Variants in COL12A1 observed in about 807,000 individuals in gnomAD.
The protein encoded by COL12A1 is collagen type XII alpha 1 chain, also known as collagen alpha-1(XII) chain.
COL12A1 carries 114 observed loss-of-function variants against 349.7 expected under a neutral mutation model. The observed-to-expected ratio is 0.33, with a 90% CI of 0.28 to 0.38. The LOEUF is 0.38. COL12A1 is among the 10% of genes least tolerant of loss of function. The pLI is 1.00. For missense variants in COL12A1, 3,284 were observed against 3,756.9 expected, an observed-to-expected ratio of 0.87 and a Z score of 3.29; for synonymous variants, 1,369 against 1,329.0, an observed-to-expected ratio of 1.03 and a Z score of -0.66.
chr6:75,160,183 T>C (rs1237190254), intron 14 of COL12A1, among the ~76,000 whole-genome samples: 2 of 152,180 alleles, frequency 1.3e-5, no homozygotes, highest in South Asian at 4.1e-4. Context: ...TTTCATGTGT[T>C]AGTAACTATC....
At chr6:75,129,487 C>G (rs1270426765) in intron 37 of COL12A1, among the ~76,000 whole-genome samples, 1 of 152,160 alleles carries the variant, frequency 6.6e-6, no homozygotes, top group Non-Finnish European at 1.5e-5. Context: ...CATTTTTCCA[C>G]TCATAACAAA....
intron 11 of COL12A1, among the ~76,000 whole-genome samples, chr6:75,178,502 T>C (rs1417643469): frequency 6.6e-6 from 1 of 152,090 alleles, no homozygotes; most frequent in Non-Finnish European, 1.5e-5. Context: ...GAATGCTCAT[T>C]AGATCTACAT....
chr6:75,187,670 A>C (rs1769704334), intron 8 of COL12A1, among the ~76,000 whole-genome samples: 1 of 152,124 alleles, frequency 6.6e-6, no homozygotes, highest in Non-Finnish European at 1.5e-5. Context: ...AGTTTGTATG[A>C]TTGAAGATGT....
intron 55 of COL12A1, among the ~76,000 whole-genome samples, chr6:75,103,519 C>T (rs897340373): frequency 6.6e-6 from 1 of 152,204 alleles, no homozygotes; most frequent in Non-Finnish European, 1.5e-5. Flanking sequence ...TAAAGATCTT[C>T]TGCAGCTTCC....
intron 34 of COL12A1, among the ~76,000 whole-genome samples, chr6:75,132,323 CGTG>C (rs1205783112): frequency 7.9e-5 from 12 of 152,028 alleles, no homozygotes; most frequent in Admixed American, 7.9e-4. Context: ...AGCTAATAAA[CGTG>C]GTGGAACTGG....
rs191411385 is a variant in COL12A1 at position 75,091,465 on chromosome 6, C to A, written c.8685+25G>T. On this transcript the variant is annotated intron_variant, in intron 61 of 65. Coordinates refer to ENST00000322507, the MANE Select transcript of COL12A1 (RefSeq NM_004370.6). ...TTCAATGTTTAACACACAAAATAAA[C>A]GTAAGATTTTTTAAAAATACATACC... 5.0e-6 allele frequency: 8 copies of A among 1,612,594 alleles called. No individual in the cohort carries two copies. In the African/African-American group the frequency reaches 1.1e-4, roughly 22 times the overall value.
chr6:75,121,454 AAAGC>A lies in COL12A1; in HGVS notation c.6947-17_6947-14del. On this transcript the variant is annotated splice_polypyrimidine_tract_variant and intron_variant, in intron 43 of 65. Coordinates refer to ENST00000322507, the MANE Select transcript of COL12A1 (RefSeq NM_004370.6). ...GCCCCTTTGCATACTGCAAAAAAAG[AAAGC>A]AGAGGAAGCCCCAAATCTCATGAAT... 1 of 1,525,318 alleles carries A rather than the reference AAAGC, an allele frequency of 6.6e-7. No homozygotes were observed. The highest frequency in any genetic ancestry group is 8.9e-7 in the Non-Finnish European group (1 of 1,126,994). 94.5% of individuals were successfully genotyped at this position (1,525,318 alleles called of 1,614,324 possible). A position where few individuals can be genotyped will look rare whatever the true frequency, so the allele number is the denominator to read the frequency against.
intron 14 of COL12A1, among the ~76,000 whole-genome samples, chr6:75,164,868 T>C (rs1320878361): frequency 6.6e-6 from 1 of 151,830 alleles, no homozygotes; most frequent in African/African-American, 2.4e-5. Flanking sequence ...AAGAGTGAGG[T>C]AAATCTGAGC....
Position 75,152,610 on chromosome 6 carries a change from A to C in COL12A1, c.3566-128T>G, listed in dbSNP as rs1767551419. Reference sequence around the variant, plus strand: ...CTCAGTACTATGGTCTAGCTCAGTGATGTGGAGTATAAGACTCTGAAAATA... The same window carrying C: ...CTCAGTACTATGGTCTAGCTCAGTGCTGTGGAGTATAAGACTCTGAAAATA... On this transcript the variant is annotated intron_variant, in intron 17 of 65. Coordinates refer to ENST00000322507, the MANE Select transcript of COL12A1 (RefSeq NM_004370.6). 5.1e-6 allele frequency: 5 copies of C among 989,754 alleles called. No homozygotes were observed. The South Asian group carries it at 7.4e-5, about 15-fold the overall frequency. The allele number at this position is 989,754 out of a possible 1,614,324, so 61.3% of individuals were successfully genotyped here.
intron 47 of COL12A1, 71 bp from the exon 48 acceptor site, chr6:75,116,128 G>A: frequency 1.4e-6 from 2 of 1,391,710 alleles, no homozygotes; most frequent in South Asian, 2.4e-5. Flanking sequence ...ACAGAAAGTA[G>A]CAATGAACGT....
In COL12A1 at chr6:75,096,107, C is replaced by T. The variant is rs1768013572; in HGVS notation, c.8578-928G>A. Among the ~76,000 whole-genome samples the T allele has an allele frequency of 2.0e-5, 3 of 152,158 alleles. No homozygotes were observed. In the South Asian group the frequency reaches 6.2e-4, roughly 31 times the overall value. On this transcript the variant is annotated intron_variant, in intron 59 of 65. Transcript: ENST00000322507. The stretch of plus-strand genomic sequence containing the variant: ...TTTCTCCCTGTTGCTTTTACCACAG[C>T]TTCCAGACATTTTGGCCCTATATTT...
At chr6:75,182,683 C>T (rs1465304580) in intron 10 of COL12A1, among the ~76,000 whole-genome samples, 2 of 152,196 alleles carry the variant, frequency 1.3e-5, no homozygotes, top group African/African-American at 4.8e-5. Flanking sequence ...ATATTCTCTT[C>T]ACCTTTGAGT....
chr6:75,148,794 T>TCAAGACC (rs1315264453), intron 21 of COL12A1, among the ~76,000 whole-genome samples: 2 of 152,108 alleles, frequency 1.3e-5, no homozygotes, highest in Admixed American at 1.3e-4. Flanking sequence ...TCACTGAGAC[T>TCAAGACC]CAAGACCCGA....
Position 75,130,210 on chromosome 6 carries a change from G to A in COL12A1, c.6091C>T (p.Leu2031=). Residue 2031 remains leucine (L), a synonymous_variant, in exon 37 of 66, where the codon CTG becomes TTG. Coordinates refer to ENST00000322507, the MANE Select transcript of COL12A1 (RefSeq NM_004370.6). Reference sequence around the variant, plus strand: ...TTGGTTGTTTCACCAAAGACTCTCAGGTTCCTTGGTCCACTGCGTGGTACT... The same window carrying A: ...TTGGTTGTTTCACCAAAGACTCTCAAGTTCCTTGGTCCACTGCGTGGTACT... The part of the protein sequence containing the change: ...RTLPRSGPRN[L]RVFGETTNSL... 6.2e-7 allele frequency: 1 copy of A among 1,613,972 alleles called. No homozygotes were observed. Among genetic ancestry groups the A allele is most frequent in the Non-Finnish European group, 8.5e-7 (1 of 1,179,962 alleles).
intron 42 of COL12A1, 125 bp downstream of exon 42, chr6:75,123,823 A>G: frequency 9.9e-7 from 1 of 1,013,158 alleles, no homozygotes; most frequent in Non-Finnish European, 1.4e-6. Flanking sequence ...GGAATCTGCC[A>G]TCATCCCATC....
intron 49 of COL12A1, among the ~76,000 whole-genome samples, chr6:75,114,984 G>A (rs1008129091): frequency 3.9e-5 from 6 of 152,052 alleles, no homozygotes; most frequent in East Asian, 1.9e-4. Flanking sequence ...CTAGAACTCC[G>A]AGCCAACATG....
Position 75,148,220 on chromosome 6 carries a change from T to G in COL12A1, c.4287+138A>C, listed in dbSNP as rs909941160. On this transcript the variant is annotated intron_variant, in intron 22 of 65. Coordinates refer to ENST00000322507, the MANE Select transcript of COL12A1 (RefSeq NM_004370.6). Reference sequence around the variant, plus strand: ...AATGCCTGCCTAGCAAAGTCAAGAATAGAAAGCACTATTCTTGACTCATTT... The same window carrying G: ...AATGCCTGCCTAGCAAAGTCAAGAAGAGAAAGCACTATTCTTGACTCATTT... 4 of 738,250 alleles carry G rather than the reference T, an allele frequency of 5.4e-6. No homozygotes were observed. In the East Asian group the frequency reaches 1.2e-4, roughly 21 times the overall value. The allele number at this position is 738,250 out of a possible 1,614,324, so 45.7% of individuals were successfully genotyped here.
intron 8 of COL12A1, among the ~76,000 whole-genome samples, chr6:75,186,827 T>C (rs570206557): frequency 3.3e-4 from 50 of 152,244 alleles, no homozygotes; most frequent in African/African-American, 1.2e-3. Context: ...GGGACAATGA[T>C]AGAGCTAGAG....
At chr6:75,142,889 C>A (rs1375803973) in intron 26 of COL12A1, among the ~76,000 whole-genome samples, 1 of 152,196 alleles carries the variant, frequency 6.6e-6, no homozygotes, top group East Asian at 1.9e-4. Flanking sequence ...CTCTTCATTG[C>A]TGCAACCTCT....
Sources: allele counts gnomAD v4.1 joint callset (sites outside exome capture counted in the v4.1 genomes callset), GRCh38; gene constraint gnomAD v4.1.1; transcripts MANE v1.5; gene names NCBI Gene and HGNC (gene_info 2026-07-23, HGNC 2026-07-21).